FRMD4A: variants seen among roughly 807,000 people sequenced by gnomAD.
FRMD4A encodes FERM domain-containing protein 4A.
FRMD4A carries 29 observed loss-of-function variants against 129.1 expected under a neutral mutation model. The ratio of observed to expected loss-of-function variants is 0.22; its 90% CI spans 0.17 to 0.31. The LOEUF is 0.31. Among genes scored for constraint, FRMD4A ranks in the 10% least tolerant of loss-of-function variants. The pLI, the probability that FRMD4A is intolerant of heterozygous loss-of-function variation, is 1.00. For missense variants in FRMD4A, 1,272 were observed against 1,375.8 expected (o/e 0.92, Z 1.19); for synonymous variants, 634 against 571.6 (o/e 1.11, Z -1.56).
At chr10:14,272,604 T>C (rs1845199581) in intron 2 of FRMD4A, among the ~76,000 whole-genome samples, 1 of 152,202 alleles carries the variant, frequency 6.6e-6, no homozygotes, top group East Asian at 1.9e-4. Context: ...CTCTCAAGAA[T>C]TTATAAGAAA....
rs547897267 is a variant in FRMD4A at position 14,209,820 on chromosome 10, C to G, written c.45+120238G>C. The stretch of plus-strand genomic sequence containing the variant: ...AGAGGACCACTTGAACCCAGGAGGT[C>G]GTGGCTGCAGTGAGCTGTGATCATG... On this transcript the variant is annotated intron_variant, in intron 2 of 24. Transcript: ENST00000357447. Among the ~76,000 whole-genome samples the G allele has an allele frequency of 8.6e-5, 13 of 151,948 alleles. No individual in the cohort carries two copies. In the South Asian group the frequency reaches 2.7e-3, roughly 32 times the overall value.
At chr10:13,664,754 G>A (rs1394369026) in intron 18 of FRMD4A, among the ~76,000 whole-genome samples, 1 of 151,174 alleles carries the variant, frequency 6.6e-6, no homozygotes, top group African/African-American at 2.4e-5. Context: ...AGACTGGCAC[G>A]CATGGTTACT....
intron 5 of FRMD4A, among the ~76,000 whole-genome samples, chr10:13,791,871 T>C (rs537558163): frequency 1.4e-4 from 21 of 152,246 alleles, no homozygotes; most frequent in Admixed American, 2.6e-4. Flanking sequence ...AAGTTTTCTT[T>C]CTAGGAGACA....
chr10:14,045,440 G>T (rs1833947977), intron 2 of FRMD4A, among the ~76,000 whole-genome samples: 1 of 151,996 alleles, frequency 6.6e-6, no homozygotes, highest in Non-Finnish European at 1.5e-5. Flanking sequence ...CTGCTGACAT[G>T]TCTATTACGC....
intron 2 of FRMD4A, among the ~76,000 whole-genome samples, chr10:14,133,329 A>T (rs1165477810): frequency 6.6e-6 from 1 of 152,200 alleles, no homozygotes; most frequent in African/African-American, 2.4e-5. Flanking sequence ...CACCAAAGCG[A>T]TGTTGAGAAT....
intron 2 of FRMD4A, among the ~76,000 whole-genome samples, chr10:13,895,129 G>T (rs1486983310): frequency 2.0e-5 from 3 of 152,316 alleles, no homozygotes; most frequent in African/African-American, 7.2e-5. Context: ...GTGCAGGTTT[G>T]TTGCATAGGT....
chr10:13,693,088 G>A (rs376762139), intron 15 of FRMD4A: 2 of 150,712 alleles, frequency 1.3e-5, no homozygotes, highest in Non-Finnish European at 2.9e-5. Context: ...GCCCAGGCTG[G>A]TCTTAAACTC....
chr10:14,218,821 G>C (rs762063722), intron 2 of FRMD4A, among the ~76,000 whole-genome samples: 2 of 151,998 alleles, frequency 1.3e-5, no homozygotes, highest in South Asian at 2.1e-4. Flanking sequence ...CGGGTGTGGT[G>C]GTGGGCACCT....
At chr10:14,283,427 T>A (rs546804048) in intron 2 of FRMD4A, among the ~76,000 whole-genome samples, 3 of 152,316 alleles carry the variant, frequency 2.0e-5, no homozygotes, top group African/African-American at 7.2e-5. Context: ...TTTATTATTT[T>A]ACCCTCTATA....
chr10:14,178,789 A>C (rs1490021209), intron 2 of FRMD4A, among the ~76,000 whole-genome samples: 4 of 152,168 alleles, frequency 2.6e-5, no homozygotes, highest in Non-Finnish European at 5.9e-5. Context: ...TAGAAAAAAA[A>C]AAGTCAATAA....
intron 2 of FRMD4A, among the ~76,000 whole-genome samples, chr10:14,169,424 G>A (rs1316040782): frequency 6.6e-6 from 1 of 152,052 alleles, no homozygotes; most frequent in Admixed American, 6.6e-5. Flanking sequence ...TAGTTGTCCC[G>A]CCCAGAGCAC....
chr10:14,136,707 C>A (rs1300238500), intron 2 of FRMD4A, among the ~76,000 whole-genome samples: 2 of 151,846 alleles, frequency 1.3e-5, no homozygotes, highest in Non-Finnish European at 2.9e-5. Context: ...CCTTTCCTGG[C>A]TGAACCAATG....
intron 2 of FRMD4A, among the ~76,000 whole-genome samples, chr10:14,290,871 A>T (rs1177058928): frequency 6.6e-6 from 1 of 152,114 alleles, no homozygotes; most frequent in East Asian, 1.9e-4. Flanking sequence ...ATATATGATA[A>T]ATGACTTAGC....
chr10:14,215,424 A>G (rs1843044809), intron 2 of FRMD4A, among the ~76,000 whole-genome samples: 1 of 152,174 alleles, frequency 6.6e-6, no homozygotes, highest in Non-Finnish European at 1.5e-5. Context: ...CCCAAATATA[A>G]TTATTAGGAC....
intron 2 of FRMD4A, among the ~76,000 whole-genome samples, chr10:14,018,480 A>G (rs1351685136): frequency 7.1e-6 from 1 of 140,268 alleles, no homozygotes; most frequent in Non-Finnish European, 1.6e-5. Context: ...AAAAAAAAAA[A>G]TGACATTAAG....
At chr10:14,053,884 T>C (rs79480288) in intron 2 of FRMD4A, among the ~76,000 whole-genome samples, 6 of 152,080 alleles carry the variant, frequency 3.9e-5, no homozygotes, top group African/African-American at 1.2e-4. Context: ...AACTAGTGGA[T>C]TGTGGTGGTA....
intron 2 of FRMD4A, among the ~76,000 whole-genome samples, chr10:14,284,777 A>G (rs1845630634): frequency 6.6e-6 from 1 of 152,214 alleles, no homozygotes; most frequent in South Asian, 2.1e-4. Flanking sequence ...TACTTATGCT[A>G]TATGCTTCTA....
chr10:14,094,783 C>T (rs954890587), intron 2 of FRMD4A, among the ~76,000 whole-genome samples: 1 of 152,232 alleles, frequency 6.6e-6, no homozygotes, highest in African/African-American at 2.4e-5. Flanking sequence ...AATACCTCTG[C>T]AGCCCCCCAG....
At chr10:13,772,573 C>T (rs1444409053) in intron 6 of FRMD4A, among the ~76,000 whole-genome samples, 2 of 152,204 alleles carry the variant, frequency 1.3e-5, no homozygotes, top group African/African-American at 4.8e-5. Context: ...AGAGGCTGCA[C>T]ACAAACCATC....
Sources: allele counts gnomAD v4.1 joint callset (sites outside exome capture counted in the v4.1 genomes callset), GRCh38; gene constraint gnomAD v4.1.1; transcripts MANE v1.5; gene names NCBI Gene and HGNC (gene_info 2026-07-23, HGNC 2026-07-21).